The following SLFN12L variants were observed in gnomAD, a reference collection of about 807,000 sequenced individuals.
The protein encoded by SLFN12L is schlafen family member 12 like.
Under a neutral mutation model 34.8 loss-of-function variants are expected in SLFN12L, and 34 were observed. The observed-to-expected ratio is 0.98, with a 90% CI of 0.74 to 1.30. The LOEUF (loss-of-function observed/expected upper bound fraction) is 1.30, where lower values mean the gene tolerates loss of function less well. SLFN12L is among the 50% of genes most tolerant of loss of function. The pLI, the probability that SLFN12L is intolerant of heterozygous loss-of-function variation, is 0.00. For synonymous variants in SLFN12L, 259 were observed against 247.5 expected, an observed-to-expected ratio of 1.05 and a Z score of -0.44; for missense variants, 703 against 696.2, an observed-to-expected ratio of 1.01 and a Z score of -0.11.
chr17:35,490,772 T>C, intron 2 of SLFN12L: 1 of 1,492,404 alleles, frequency 6.7e-7, no homozygotes, highest in South Asian at 1.1e-5. Context: ...GTTATAGTTG[T>C]GAAAGCCCCT....
chr17:35,530,450 A>G (rs2072392376), intron 1 of SLFN12L, among the ~76,000 whole-genome samples: 1 of 46,938 alleles, frequency 2.1e-5, no homozygotes, highest in African/African-American at 6.2e-5. Context: ...GGAAGAAAGA[A>G]AGAAAGAAAG....
intron 4 of SLFN12L, among the ~76,000 whole-genome samples, chr17:35,476,846 C>T (rs1424182750): frequency 6.7e-6 from 1 of 150,040 alleles, no homozygotes. Context: ...AAAGTCTCTA[C>T]AATTTGTAAT....
chr17:35,490,913 C>T lies in SLFN12L; in HGVS notation c.87-10718G>A. On this transcript the variant is annotated intron_variant, in intron 2 of 4. Transcript: ENST00000628453. ...ACACAGTCCAATGACAACAAACAAC[C>T]AAGACCCCAATGGGAATATCCTTAA... is the stretch of plus-strand genomic sequence containing the variant. 14 of 806,598 alleles carry T rather than the reference C, an allele frequency of 1.7e-5. No individual in the cohort carries two copies. The Admixed American group carries it at 2.4e-4, about 14-fold the overall frequency. The allele number at this position is 806,598 out of a possible 1,614,324, so 50.0% of individuals were successfully genotyped here. A position where few individuals can be genotyped will look rare whatever the true frequency, so the allele number is the denominator to read the frequency against.
rs1913874466 is a variant in SLFN12L, at chr17:35,474,656, T to G, written c.*267A>C. Reference sequence around the variant, plus strand: ...TGATTCTCCAGCCGGGCGCGGTGGCTCACATCTGTACTCCTAGCACTTTGG... The same window carrying G: ...TGATTCTCCAGCCGGGCGCGGTGGCGCACATCTGTACTCCTAGCACTTTGG... On this transcript the variant is annotated 3_prime_UTR_variant, in exon 5 of 5. Coordinates refer to ENST00000628453, the MANE Select transcript of SLFN12L (RefSeq NM_001363830.2). 3.2e-6 allele frequency: 1 copy of G among 316,418 alleles called. No homozygotes were observed. The highest frequency in any genetic ancestry group is 2.4e-5 in the African/African-American group (1 of 41,362). The allele number at this position is 316,418 out of a possible 1,614,324, so 19.6% of individuals were successfully genotyped here. A position where few individuals can be genotyped will look rare whatever the true frequency, so the allele number is the denominator to read the frequency against.
chr17:35,475,230 T>A lies in SLFN12L; in HGVS notation c.1532A>T (p.Asp511Val), dbSNP rs757042063. The stretch of plus-strand genomic sequence containing the variant: ...AGTTTGGGCAGTTTGTGTAGAATAG[T>A]CTTTAAACTCCTCATCCTGTACCAT... ...FHMVQDEEFK[D>V]YSTQTAQTLK... Residue 511 changes from aspartate to valine, a missense_variant, in exon 5 of 5, where the codon GAC (aspartate) becomes GTC (valine). By Grantham distance (152) the Asp-to-Val change is radical. Coordinates refer to ENST00000628453, the MANE Select transcript of SLFN12L (RefSeq NM_001363830.2). 1.2e-6 allele frequency: 2 copies of A among 1,614,154 alleles called. No homozygotes were observed. The highest frequency in any genetic ancestry group is 4.5e-5 in the East Asian group (2 of 44,870).
At position 35,478,199 on chromosome 17, in the gene SLFN12L, T is replaced by C; in HGVS notation, c.1166-14A>G. ...GTTCCTCACATACTATGGAATAATG[T>C]TAGAAAACAAAAATCACGCTCTTAA... On this transcript the variant is annotated splice_polypyrimidine_tract_variant and intron_variant, in intron 3 of 4. Transcript: ENST00000628453. 6.7e-7 allele frequency: 1 copy of C among 1,497,122 alleles called. No homozygotes were observed. The highest frequency in any genetic ancestry group is 9.1e-7 in the Non-Finnish European group (1 of 1,101,024). 92.7% of individuals were successfully genotyped at this position (1,497,122 alleles called of 1,614,324 possible). A position where few individuals can be genotyped will look rare whatever the true frequency, so the allele number is the denominator to read the frequency against.
At chr17:35,514,027 G>A (rs947957030) in intron 2 of SLFN12L, among the ~76,000 whole-genome samples, 1 of 152,220 alleles carries the variant, frequency 6.6e-6, no homozygotes, top group African/African-American at 2.4e-5. Context: ...CCAAATGACC[G>A]AGAAGCTGAA....
intron 2 of SLFN12L, chr17:35,498,120 TCAGAGCGAGACCTGCAG>T: frequency 1.7e-6 from 1 of 585,864 alleles, no homozygotes; most frequent in Non-Finnish European, 3.0e-6. Flanking sequence ...GAGCCGGCGG[TCAGAGCGAGACCTGCAG>T]CAGAGACGAC....
At chr17:35,494,958 T>C (rs1427549507) in intron 2 of SLFN12L, among the ~76,000 whole-genome samples, 2 of 151,888 alleles carry the variant, frequency 1.3e-5, no homozygotes, top group East Asian at 1.9e-4. Context: ...CAGGCTGGAG[T>C]GCAGTGGCTG....
At chr17:35,498,205 G>GGAGCCGGGGCCGCCTGGT in intron 2 of SLFN12L, 2 of 735,710 alleles carry the variant, frequency 2.7e-6, no homozygotes, top group Admixed American at 1.8e-5. Context: ...GGCCGCCTGG[G>GGAGCCGGGGCCGCCTGGT]ATGTTCAGTC....
intron 2 of SLFN12L, among the ~76,000 whole-genome samples, chr17:35,505,985 G>A (rs910823136): frequency 1.3e-5 from 2 of 152,170 alleles, no homozygotes; most frequent in Admixed American, 6.5e-5. Flanking sequence ...TATTGTAAGT[G>A]TACTGGGACT....
At chr17:35,493,070 A>C (rs1278175447) in intron 2 of SLFN12L, among the ~76,000 whole-genome samples, 1 of 152,146 alleles carries the variant, frequency 6.6e-6, no homozygotes, top group Non-Finnish European at 1.5e-5. Flanking sequence ...GACAGGTGAC[A>C]CCAGCACTTT....
chr17:35,485,494 A>T (rs1432924243), intron 2 of SLFN12L, among the ~76,000 whole-genome samples: 1 of 152,128 alleles, frequency 6.6e-6, no homozygotes, highest in Non-Finnish European at 1.5e-5. Flanking sequence ...CTCTGTTGAG[A>T]CTTTTGCTGT....
At chr17:35,477,643 T>C (rs1004449475) in intron 4 of SLFN12L, among the ~76,000 whole-genome samples, 2 of 152,134 alleles carry the variant, frequency 1.3e-5, no homozygotes, top group African/African-American at 4.8e-5. Flanking sequence ...TCATAGAAGA[T>C]AAAATATCTT....
At chr17:35,509,284 T>C (rs547783652) in intron 2 of SLFN12L, among the ~76,000 whole-genome samples, 30 of 152,202 alleles carry the variant, frequency 2.0e-4, no homozygotes, top group Non-Finnish European at 4.0e-4. Context: ...TGGATATCCA[T>C]CAAGAAAAGA....
intron 1 of SLFN12L, among the ~76,000 whole-genome samples, chr17:35,523,498 T>C (rs1916058769): frequency 6.6e-6 from 1 of 152,188 alleles, no homozygotes; most frequent in Non-Finnish European, 1.5e-5. Context: ...AGGAGACCCT[T>C]GAAGCTATCT....
At position 35,537,370 on chromosome 17, in the gene SLFN12L, C is replaced by A. The variant is rs78398025; in HGVS notation, c.-606+203G>T. Reference sequence around the variant, plus strand: ...GGTGAGTACAGTCTAAGGACCAGCTCCTCTCATTGTCTATTTCACTTATTT... The same window carrying A: ...GGTGAGTACAGTCTAAGGACCAGCTACTCTCATTGTCTATTTCACTTATTT... On this transcript the variant is annotated intron_variant, in intron 1 of 4. Coordinates refer to ENST00000628453, the MANE Select transcript of SLFN12L (RefSeq NM_001363830.2). 0.011 allele frequency among the ~76,000 whole-genome samples: 1,627 copies of A among 152,264 alleles called. 82 individuals are homozygous for A. The East Asian group carries it at 0.18, about 17-fold the overall frequency.
chr17:35,483,864 A>G (rs35927274), intron 2 of SLFN12L, among the ~76,000 whole-genome samples: 23,503 of 152,178 alleles, frequency 0.15, 2,013 homozygotes, highest in Middle Eastern at 0.3. Flanking sequence ...ATACTCAGCT[A>G]AGGTTGTAGA....
In SLFN12L at chr17:35,467,809, A is replaced by G. The variant is rs35210090; in HGVS notation, c.*7114T>C. On this transcript the variant is annotated 3_prime_UTR_variant, in exon 5 of 5. Coordinates refer to ENST00000628453, the MANE Select transcript of SLFN12L (RefSeq NM_001363830.2). ...ACCCGTTTGAGCCTAAACTTCAACC[A>G]TGAAGCAAGCAAGCAAGCAAGCAAA... Among the ~76,000 whole-genome samples, 22,119 of 152,250 alleles carry G rather than the reference A, an allele frequency of 0.15. 1,744 individuals carry two copies. Among genetic ancestry groups the G allele is most frequent in the South Asian group, 0.26 (1,260 of 4,822 alleles).
Sources: allele counts gnomAD v4.1 joint callset (sites outside exome capture counted in the v4.1 genomes callset), GRCh38; gene constraint gnomAD v4.1.1; transcripts MANE v1.5; gene names NCBI Gene and HGNC (gene_info 2026-07-23, HGNC 2026-07-21).